LCLAT1: variants seen among roughly 807,000 people sequenced by gnomAD.
The protein encoded by LCLAT1 is lysocardiolipin acyltransferase 1.
In LCLAT1, 11 loss-of-function variants were observed where a neutral mutation model predicts 30.7. The observed-to-expected ratio is 0.36, with a 90% CI of 0.23 to 0.59. The LOEUF is 0.59. LCLAT1 is among the 20% of genes least tolerant of loss of function. The pLI is 0.77. For missense variants in LCLAT1, 402 were observed against 458.6 expected (o/e 0.88, Z 1.13); for synonymous variants, 155 against 151.3 (o/e 1.02, Z -0.18).
At chr2:30,490,407 G>A (rs538056339) in intron 1 of LCLAT1, among the ~76,000 whole-genome samples, 234 of 151,962 alleles carry the variant, frequency 1.5e-3, no homozygotes, top group African/African-American at 5.4e-3. Context: ...GGGTTTCACC[G>A]TGTTAGCCAG....
chr2:30,487,506 G>C (rs1381498436), intron 1 of LCLAT1, among the ~76,000 whole-genome samples: 4 of 152,098 alleles, frequency 2.6e-5, no homozygotes, highest in Non-Finnish European at 4.4e-5. Flanking sequence ...TGGGCCCTGG[G>C]GGGTACAGCA....
chr2:30,588,236 G>T (rs1666527429), intron 5 of LCLAT1, among the ~76,000 whole-genome samples: 1 of 152,228 alleles, frequency 6.6e-6, no homozygotes, highest in African/African-American at 2.4e-5. Flanking sequence ...TCCTGAAGGA[G>T]ATCCCTCCTG....
rs1669359132 is a variant in LCLAT1, at chr2:30,642,360, T to A, written c.*1741T>A. On this transcript the variant is annotated 3_prime_UTR_variant, in exon 6 of 6. Coordinates refer to ENST00000379509, the MANE Select transcript of LCLAT1 (RefSeq NM_001002257.3). Reference sequence around the variant, plus strand: ...CACATCTGCTCCAGACCCAGCTCTTTAACTTCATGGTTTTACAGCTTGTTT... The same window carrying A: ...CACATCTGCTCCAGACCCAGCTCTTAAACTTCATGGTTTTACAGCTTGTTT... The A allele has an allele frequency of 6.6e-6, 1 of 152,096 alleles. No individual in the cohort carries two copies. Among genetic ancestry groups the A allele is most frequent in the Non-Finnish European group, 1.5e-5 (1 of 67,994 alleles). The allele number at this position is 152,096 out of a possible 1,614,324, so 9.4% of individuals were successfully genotyped here.
chr2:30,562,370 C>A, intron 4 of LCLAT1, 78 bp downstream of exon 4: 1 of 1,181,786 alleles, frequency 8.5e-7, no homozygotes, highest in South Asian at 1.8e-5. Context: ...TAACTGAACA[C>A]CAACAAGAAT....
chr2:30,604,660 CAAAAAAA>C (rs71405526), intron 5 of LCLAT1, among the ~76,000 whole-genome samples: 3,499 of 95,982 alleles, frequency 0.036, 132 homozygotes, highest in African/African-American at 0.13. Flanking sequence ...GACTCCGTCT[CAAAAAAA>C]AAAAAAAAAA....
chr2:30,636,323 G>C (rs1426980596), intron 5 of LCLAT1, among the ~76,000 whole-genome samples: 3 of 152,156 alleles, frequency 2.0e-5, no homozygotes, highest in African/African-American at 7.2e-5. Flanking sequence ...AGATAGTATT[G>C]AAATGTGATT....
intron 5 of LCLAT1, among the ~76,000 whole-genome samples, chr2:30,609,380 T>G (rs1392876919): frequency 6.6e-6 from 1 of 152,188 alleles, no homozygotes; most frequent in Non-Finnish European, 1.5e-5. Context: ...GCTTTATCCA[T>G]CTGGAGTCCC....
intron 1 of LCLAT1, among the ~76,000 whole-genome samples, chr2:30,457,210 A>C (rs764239569): frequency 6.6e-6 from 1 of 152,214 alleles, no homozygotes; most frequent in Non-Finnish European, 1.5e-5. Context: ...GTGAAAGATT[A>C]GTTTTATGGA....
intron 5 of LCLAT1, among the ~76,000 whole-genome samples, chr2:30,581,833 C>G (rs1471690646): frequency 1.3e-5 from 2 of 152,094 alleles, no homozygotes; most frequent in Non-Finnish European, 2.9e-5. Context: ...TTATAGTGTT[C>G]TATAACACTG....
intron 3 of LCLAT1, among the ~76,000 whole-genome samples, chr2:30,541,286 C>T (rs1373710123): frequency 6.6e-6 from 1 of 152,022 alleles, no homozygotes; most frequent in Non-Finnish European, 1.5e-5. Flanking sequence ...ATGGTAATTC[C>T]AGCTTTTTGG....
intron 5 of LCLAT1, among the ~76,000 whole-genome samples, chr2:30,636,202 T>C (rs1669015640): frequency 6.6e-6 from 1 of 152,148 alleles, no homozygotes; most frequent in Non-Finnish European, 1.5e-5. Flanking sequence ...TTTTTGGCAA[T>C]TTTGTGAAAT....
chr2:30,550,107 A>G (rs1358841355), intron 3 of LCLAT1, among the ~76,000 whole-genome samples: 2 of 152,222 alleles, frequency 1.3e-5, no homozygotes, highest in Non-Finnish European at 2.9e-5. Flanking sequence ...AATGGCCATT[A>G]TTTGTGTATT....
At chr2:30,622,888 AAAG>A (rs1469787861) in intron 5 of LCLAT1, among the ~76,000 whole-genome samples, 3 of 152,118 alleles carry the variant, frequency 2.0e-5, no homozygotes, top group African/African-American at 4.8e-5. Context: ...TAATATGACA[AAAG>A]AAGGTTCTTT....
intron 1 of LCLAT1, chr2:30,476,665 T>C (rs1312348060): frequency 1.8e-5 from 7 of 378,738 alleles, no homozygotes; most frequent in African/African-American, 1.5e-4. Context: ...CATTATATAT[T>C]ACAGTGTAGT....
chr2:30,641,688 T>C lies in LCLAT1; in HGVS notation c.*1069T>C, dbSNP rs1240670092. On this transcript the variant is annotated 3_prime_UTR_variant, in exon 6 of 6. Transcript: ENST00000379509. ...AAAATGAAACACAAAAATTAATCCT[T>C]AATAATGATAGCAAGTGATCTTTCT... The C allele has an allele frequency of 6.6e-6, 1 of 151,904 alleles. No homozygotes were observed. Among genetic ancestry groups the C allele is most frequent in the Non-Finnish European group, 1.5e-5 (1 of 68,036 alleles). The allele number at this position is 151,904 out of a possible 1,614,324, so 9.4% of individuals were successfully genotyped here.
chr2:30,488,471 A>G (rs72793859), intron 1 of LCLAT1, among the ~76,000 whole-genome samples: 1,869 of 152,352 alleles, frequency 0.012, 16 homozygotes, highest in Non-Finnish European at 0.018. Context: ...CAACATGGCA[A>G]TTGCCTGATG....
chr2:30,539,248 C>CTTTTT lies in LCLAT1; in HGVS notation c.364+5955_364+5959dup, dbSNP rs72012748. 3.3e-3 allele frequency among the ~76,000 whole-genome samples: 297 copies of CTTTTT among 90,852 alleles called. 5 individuals are homozygous for CTTTTT. Among genetic ancestry groups the CTTTTT allele is most frequent in the African/African-American group, 0.012 (251 of 20,882 alleles). 59.6% of individuals were successfully genotyped at this position (90,852 alleles called of 152,430 possible). A position where few individuals can be genotyped will look rare whatever the true frequency, so the allele number is the denominator to read the frequency against. ...ACAGGCTTGAGCCACCGCGCCAGGC[C>CTTTTT]TTTTTTTTTTTTTTTTTTTTTTTTT... On this transcript the variant is annotated intron_variant, in intron 3 of 5. Transcript: ENST00000379509.
intron 1 of LCLAT1, among the ~76,000 whole-genome samples, chr2:30,494,523 T>C (rs1683997330): frequency 6.7e-6 from 1 of 149,462 alleles, no homozygotes; most frequent in Non-Finnish European, 1.5e-5. Flanking sequence ...TATAAACCTA[T>C]ATTTTTGCAT....
At chr2:30,590,975 G>C (rs555171318) in intron 5 of LCLAT1, among the ~76,000 whole-genome samples, 1 of 152,200 alleles carries the variant, frequency 6.6e-6, no homozygotes, top group South Asian at 2.1e-4. Context: ...CTTCAACTTC[G>C]AGGTAAAATT....
Sources: allele counts gnomAD v4.1 joint callset (sites outside exome capture counted in the v4.1 genomes callset), GRCh38; gene constraint gnomAD v4.1.1; transcripts MANE v1.5; gene names NCBI Gene and HGNC (gene_info 2026-07-23, HGNC 2026-07-21).